Variants in ACOXL observed in about 807,000 individuals in gnomAD.
ACOXL encodes acyl-coenzyme A oxidase-like protein.
A neutral mutation model predicts 71.9 loss-of-function variants in ACOXL; 70 were observed. That is an observed-to-expected ratio of 0.97 (90% CI 0.80 to 1.19). ACOXL has a LOEUF of 1.19. Among genes scored for constraint, ACOXL ranks in the 50% most tolerant of loss-of-function variants. The pLI, the probability that ACOXL is intolerant of heterozygous loss-of-function variation, is 0.00. For missense variants in ACOXL, 703 were observed against 736.3 expected, an observed-to-expected ratio of 0.95 and a Z score of 0.52; for synonymous variants, 253 against 281.6, an observed-to-expected ratio of 0.90 and a Z score of 1.02.
At chr2:110,740,767 C>T (rs1677425856) in intron 1 of ACOXL, among the ~76,000 whole-genome samples, 1 of 152,170 alleles carries the variant, frequency 6.6e-6, no homozygotes, top group Non-Finnish European at 1.5e-5. Context: ...CATTTAGGGA[C>T]CTGATAGTGG....
intron 1 of ACOXL, among the ~76,000 whole-genome samples, chr2:110,742,529 T>C (rs1282997134): frequency 6.6e-6 from 1 of 152,204 alleles, no homozygotes; most frequent in East Asian, 1.9e-4. Flanking sequence ...CCTGATGCCA[T>C]TGGGTGGCAG....
At chr2:110,890,848 G>T (rs1697846972) in intron 10 of ACOXL, among the ~76,000 whole-genome samples, 1 of 152,094 alleles carries the variant, frequency 6.6e-6, no homozygotes, top group African/African-American at 2.4e-5. Context: ...TCTGAAAAAT[G>T]AGGAAACTTG....
intron 16 of ACOXL, among the ~76,000 whole-genome samples, chr2:111,076,960 T>A (rs1016547142): frequency 6.6e-6 from 1 of 152,196 alleles, no homozygotes; most frequent in Non-Finnish European, 1.5e-5. Context: ...AATCTCTCTC[T>A]TATAAAGATG....
At chr2:110,929,336 G>C (rs190117691) in intron 11 of ACOXL, among the ~76,000 whole-genome samples, 23 of 152,298 alleles carry the variant, frequency 1.5e-4, no homozygotes, top group African/African-American at 5.3e-4. Flanking sequence ...TTTTGCCCCG[G>C]CCCTAGAGAT....
intron 5 of ACOXL, among the ~76,000 whole-genome samples, chr2:110,797,950 C>G (rs566080727): frequency 5.5e-4 from 84 of 152,274 alleles, no homozygotes; most frequent in Middle Eastern, 3.4e-3. Flanking sequence ...CAGGCTCAGC[C>G]AAACAGCACA....
At chr2:111,036,884 G>C (rs1199040884) in intron 15 of ACOXL, 2 of 152,196 alleles carry the variant, frequency 1.3e-5, no homozygotes, top group Admixed American at 1.3e-4. Flanking sequence ...AGCAGAAGTA[G>C]GAGCATGGAG....
intron 14 of ACOXL, among the ~76,000 whole-genome samples, chr2:111,025,675 T>C (rs1403209327): frequency 6.6e-6 from 1 of 152,224 alleles, no homozygotes; most frequent in East Asian, 1.9e-4. Context: ...GTGACTGAGC[T>C]GTAGATGTCT....
chr2:110,754,301 G>T (rs1431479193), intron 1 of ACOXL, among the ~76,000 whole-genome samples: 1 of 151,974 alleles, frequency 6.6e-6, no homozygotes, highest in African/African-American at 2.4e-5. Context: ...GGAACTCCCA[G>T]GCTCAAGCAA....
chr2:110,741,490 A>T (rs1022135207), intron 1 of ACOXL, among the ~76,000 whole-genome samples: 1 of 152,194 alleles, frequency 6.6e-6, no homozygotes, highest in African/African-American at 2.4e-5. Flanking sequence ...GGGGGACACT[A>T]TTCAGCTTGT....
intron 9 of ACOXL, among the ~76,000 whole-genome samples, chr2:110,840,164 G>A (rs560332292): frequency 3.3e-5 from 5 of 152,154 alleles, no homozygotes; most frequent in Non-Finnish European, 7.4e-5. Flanking sequence ...CTAATTTTTT[G>A]TATTTTAGTA....
chr2:111,019,042 T>A (rs2064612426), intron 14 of ACOXL, among the ~76,000 whole-genome samples: 1 of 152,226 alleles, frequency 6.6e-6, no homozygotes. Context: ...CTTTCCCATA[T>A]TAAATGTACA....
intron 17 of ACOXL, among the ~76,000 whole-genome samples, chr2:111,094,507 G>A (rs1044990098): frequency 6.6e-6 from 1 of 152,204 alleles, no homozygotes; most frequent in Non-Finnish European, 1.5e-5. Flanking sequence ...TCCCATGGAA[G>A]GGAAGAGCAA....
intron 17 of ACOXL, chr2:111,098,837 C>T (rs2068956263): frequency 6.6e-6 from 1 of 152,128 alleles, no homozygotes; most frequent in African/African-American, 2.4e-5. Flanking sequence ...ATAAAACTTT[C>T]CAGAACACCC....
At chr2:110,892,432 G>T (rs1698029319) in intron 10 of ACOXL, among the ~76,000 whole-genome samples, 1 of 152,110 alleles carries the variant, frequency 6.6e-6, no homozygotes, top group Non-Finnish European at 1.5e-5. Context: ...GCTGTGCTCT[G>T]GGCCTTGATG....
rs147767024 is a variant in ACOXL, at chr2:110,828,760, A to C, written c.754-12611A>C. ...ATTCAGTGGTGGGCTGGGGGGTGGA[A>C]TTAAGGATGCTTCTTTGGGGAGCTC... is the stretch of plus-strand genomic sequence containing the variant. On this transcript the variant is annotated intron_variant, in intron 9 of 17. Coordinates refer to ENST00000439055, the MANE Select transcript of ACOXL (RefSeq NM_001142807.4). 6.3e-3 allele frequency among the ~76,000 whole-genome samples: 952 copies of C among 152,236 alleles called. 7 individuals carry two copies. The highest frequency in any genetic ancestry group is 7.4e-3 in the Admixed American group (113 of 15,284).
At position 110,948,625 on chromosome 2, in the gene ACOXL, G is replaced by A. The variant is rs569487676; in HGVS notation, c.1059+14983G>A. The stretch of plus-strand genomic sequence containing the variant: ...TGGCTTCTGGTTTCTGTGGGCTGTA[G>A]AGGAAGGGCAGAGGGATTGTGAATG... On this transcript the variant is annotated intron_variant, in intron 12 of 17. Transcript: ENST00000439055. 2.0e-5 allele frequency among the ~76,000 whole-genome samples: 3 copies of A among 147,050 alleles called. No individual in the cohort carries two copies. In the East Asian group the frequency reaches 6.2e-4, roughly 30 times the overall value.
chr2:110,917,156 C>T (rs1053015040), intron 11 of ACOXL, among the ~76,000 whole-genome samples: 29 of 152,154 alleles, frequency 1.9e-4, no homozygotes, highest in East Asian at 5.8e-4. Context: ...GAAAAATCCT[C>T]GATAAAATAC....
chr2:111,075,078 G>A (rs2067531220), intron 16 of ACOXL, among the ~76,000 whole-genome samples: 1 of 152,002 alleles, frequency 6.6e-6, no homozygotes, highest in Admixed American at 6.6e-5. Context: ...GCCTAGTTTT[G>A]GTATCACAGT....
chr2:110,981,804 C>T (rs185185374), intron 12 of ACOXL, among the ~76,000 whole-genome samples: 5 of 152,296 alleles, frequency 3.3e-5, no homozygotes, highest in Admixed American at 6.5e-5. Context: ...ATAGGCTGAT[C>T]TCTCTATCTG....
Sources: gnomAD v4.1 joint callset for allele counts (sites outside exome capture counted in the v4.1 genomes callset) on GRCh38, gnomAD v4.1.1 for gene constraint, MANE v1.5 for transcripts, NCBI Gene and HGNC (gene_info 2026-07-23, HGNC 2026-07-21) for gene names.